PRDM13: variants seen among roughly 807,000 people sequenced by gnomAD.
The protein encoded by PRDM13 is PR/SET domain 13, also known as PR domain zinc finger protein 13.
A neutral mutation model predicts 36.4 loss-of-function variants in PRDM13; 15 were observed. That is an observed-to-expected ratio of 0.41 (90% CI 0.28 to 0.64). PRDM13 has a LOEUF of 0.64. PRDM13 is among the 30% of genes least tolerant of loss of function. PRDM13 has a pLI of 0.29. For synonymous variants in PRDM13, 531 were observed against 467.7 expected, an observed-to-expected ratio of 1.14 and a Z score of -1.75; for missense variants, 1,044 against 1,013.5, an observed-to-expected ratio of 1.03 and a Z score of -0.41.
rs1308386468 is a variant in PRDM13 at position 99,614,083 on chromosome 6, A to G, written c.1448A>G (p.Lys483Arg). The change falls in exon 4 of 4, where the codon AAA (lysine) becomes AGA (arginine). Residue 483 changes from lysine to arginine, a missense_variant. Physicochemically the swap from Lys to Arg is conservative, Grantham distance 26 (BLOSUM62 2). This residue lies in a region of PRDM13 where 921 missense variants were observed against 865.2 expected (regional missense o/e 1.06). Coordinates refer to ENST00000369215, the MANE Select transcript of PRDM13 (RefSeq NM_021620.4). ...GCCACCACCGCTTATTACCCGCTCA[A>G]ATTGCACTTCGGCGGGCTGCTGAAG... Reference protein sequence around the residue: ...SPATTAYYPLKLHFGGLLKYP... With the variant: ...SPATTAYYPLRLHFGGLLKYP... 6.2e-7 allele frequency: 1 copy of G among 1,600,726 alleles called. No individual in the cohort carries two copies. The highest frequency in any genetic ancestry group is 1.1e-5 in the South Asian group (1 of 90,128).
intron 1 of PRDM13, among the ~76,000 whole-genome samples, chr6:99,607,702 T>G (rs1293169092): frequency 6.6e-6 from 1 of 152,260 alleles, no homozygotes; most frequent in Non-Finnish European, 1.5e-5. Flanking sequence ...TTTTTTTCCC[T>G]TGCCGATGTC....
rs1770109753 is a variant in PRDM13, at chr6:99,614,949, G to A, written c.*190G>A. On this transcript the variant is annotated 3_prime_UTR_variant, in exon 4 of 4. Coordinates refer to ENST00000369215, the MANE Select transcript of PRDM13 (RefSeq NM_021620.4). The stretch of plus-strand genomic sequence containing the variant: ...CTGAAACTCAGAGCAACAGTTCAGA[G>A]GTGGCGTAAATCTGGCCACCTGGAG... 1.2e-6 allele frequency: 1 copy of A among 833,918 alleles called. No homozygotes were observed. The highest frequency in any genetic ancestry group is 1.7e-5 in the African/African-American group (1 of 58,206). 51.7% of individuals were successfully genotyped at this position (833,918 alleles called of 1,614,324 possible). A position where few individuals can be genotyped will look rare whatever the true frequency, so the allele number is the denominator to read the frequency against.
Position 99,613,813 on chromosome 6 carries a change from C to G in PRDM13, c.1178C>G (p.Ser393Cys). The G allele has an allele frequency of 6.6e-7, 1 of 1,510,668 alleles. No individual in the cohort carries two copies. Among genetic ancestry groups the G allele is most frequent in the Non-Finnish European group, 8.8e-7 (1 of 1,136,890 alleles). The allele number at this position is 1,510,668 out of a possible 1,614,324, so 93.6% of individuals were successfully genotyped here. Residue 393 changes from serine (S) to cysteine (C), a missense_variant, in exon 4 of 4, where the codon TCC (serine) becomes TGC (cysteine). Transcript: ENST00000369215. The surrounding 1 kb of genome is among the most constrained non-coding windows in gnomAD (Gnocchi z 6.1). Reference protein sequence around the residue: ...SGALRGFPLLSVPPEEASAFK... With the variant: ...SGALRGFPLLCVPPEEASAFK... The stretch of plus-strand genomic sequence containing the variant: ...GCCCTGCGCGGCTTCCCTCTGCTCT[C>G]CGTCCCCCCGGAAGAGGCGTCCGCC...
Position 99,606,906 on chromosome 6 carries a change from C to CGGA in PRDM13, c.-128_-127insGAG. 1 of 1,265,066 alleles carries CGGA rather than the reference C, an allele frequency of 7.9e-7. No homozygotes were observed. The highest frequency in any genetic ancestry group is 1.1e-6 in the Non-Finnish European group (1 of 950,330). The allele number at this position is 1,265,066 out of a possible 1,614,324, so 78.4% of individuals were successfully genotyped here. Reference sequence around the variant, plus strand: ...AAAAGGCGCAGTGCATGCCCGCCCGCGTCACTCCGCGGGCGGAGGACGCAC... The same window carrying CGGA: ...AAAAGGCGCAGTGCATGCCCGCCCGCGGAGTCACTCCGCGGGCGGAGGACGCAC... On this transcript the variant is annotated 5_prime_UTR_variant, in exon 1 of 4. Transcript: ENST00000369215.
In PRDM13 at chr6:99,614,034, G is replaced by C. The variant is rs1187262821; in HGVS notation, c.1399G>C (p.Gly467Arg). Residue 467 changes from glycine to arginine, a missense_variant, in exon 4 of 4, where the codon GGG becomes CGG. By Grantham distance (125) the Gly-to-Arg change is moderately radical (BLOSUM62 -2). This residue lies in a region of PRDM13 where 921 missense variants were observed against 865.2 expected (regional missense o/e 1.06). Transcript: ENST00000369215. ...CATGCCGGCCTTTACAGTCTACAAC[G>C]GGGAGCTGCTCTACGGCTCACCGGC... is the stretch of plus-strand genomic sequence containing the variant. Reference protein sequence around the residue: ...AVMPAFTVYNGELLYGSPATT... With the variant: ...AVMPAFTVYNRELLYGSPATT... The C allele has an allele frequency of 6.2e-7, 1 of 1,610,344 alleles. No homozygotes were observed. Among genetic ancestry groups the C allele is most frequent in the Non-Finnish European group, 8.5e-7 (1 of 1,179,126 alleles).
In PRDM13 at chr6:99,613,321, G is replaced by A; in HGVS notation, c.686G>A (p.Arg229His). The A allele has an allele frequency of 1.3e-6, 2 of 1,559,898 alleles. No homozygotes were observed. Among genetic ancestry groups the A allele is most frequent in the Non-Finnish European group, 1.7e-6 (2 of 1,156,438 alleles). ...TGCGGTGCGCGGGAGGGCATCAAGC[G>A]CGAGGCCTCTTCCGCGCCCTCGGCC... ...QACGAREGIKREASSAPSATS... is the reference protein window; with the variant it reads ...QACGAREGIKHEASSAPSATS... Residue 229 changes from arginine (R) to histidine (H), a missense_variant, in exon 4 of 4, where the codon CGC becomes CAC. Around this residue, in one of 3 missense-constraint regions of PRDM13, gnomAD observed 921 missense variants for 865.2 expected, o/e 1.06. Transcript: ENST00000369215. The surrounding 1 kb of genome is among the most constrained non-coding windows in gnomAD (Gnocchi z 6.1).
intron 3 of PRDM13, among the ~76,000 whole-genome samples, chr6:99,610,346 C>T (rs1305608774): frequency 2.0e-5 from 3 of 152,230 alleles, no homozygotes; most frequent in Non-Finnish European, 2.9e-5. Flanking sequence ...ACTTCCTTTT[C>T]ACACACAAAG....
rs112674667 is a variant in PRDM13 at position 99,613,748 on chromosome 6, CCCGCCGCCGCCG to C, written c.1122_1133del (p.Pro375_Pro378del). 5 of 1,475,892 alleles carry C rather than the reference CCCGCCGCCGCCG, an allele frequency of 3.4e-6. No individual in the cohort carries two copies. The South Asian group carries it at 6.4e-5, about 19-fold the overall frequency. The allele number at this position is 1,475,892 out of a possible 1,614,324, so 91.4% of individuals were successfully genotyped here. A position where few individuals can be genotyped will look rare whatever the true frequency, so the allele number is the denominator to read the frequency against. On this transcript the variant is annotated inframe_deletion, in exon 4 of 4. Transcript: ENST00000369215. This position sits in a 1 kb window ranked among gnomAD's most constrained non-coding sequence, Gnocchi z 6.1. ...ATCCCAAGTGCCTGCTCGCTGGGGA[CCCGCCGCCGCCG>C]CCGCCGCCTGGCCTGCCCTGCTCTG...
intron 1 of PRDM13, among the ~76,000 whole-genome samples, chr6:99,607,757 T>C (rs535546050): frequency 6.6e-6 from 1 of 152,336 alleles, no homozygotes; most frequent in East Asian, 1.9e-4. Context: ...AGCAAGGTAC[T>C]GGCTCTGACG....
Position 99,613,391 on chromosome 6 carries a change from G to C in PRDM13, c.756G>C (p.Lys252Asn). The C allele has an allele frequency of 6.4e-7, 1 of 1,555,208 alleles. No homozygotes were observed. The highest frequency in any genetic ancestry group is 8.6e-7 in the Non-Finnish European group (1 of 1,157,660). ...PGKWGQPKKG[K>N]EQLDRALDMS... ...AGTGGGGGCAGCCCAAGAAGGGCAA[G>C]GAGCAGCTGGACCGTGCCCTGGACA... Residue 252 changes from lysine to asparagine, a missense_variant, in exon 4 of 4, where the codon AAG becomes AAC. Coordinates refer to ENST00000369215, the MANE Select transcript of PRDM13 (RefSeq NM_021620.4). The surrounding 1 kb of genome is among the most constrained non-coding windows in gnomAD (Gnocchi z 6.1).
At position 99,613,740 on chromosome 6, in the gene PRDM13, G is replaced by A. The variant is rs560495179; in HGVS notation, c.1105G>A (p.Ala369Thr). The change falls in exon 4 of 4, where the codon GCT becomes ACT. Residue 369 changes from alanine (A) to threonine (T), a missense_variant. Around this residue, in one of 3 missense-constraint regions of PRDM13, gnomAD observed 921 missense variants for 865.2 expected, o/e 1.06. Transcript: ENST00000369215. The surrounding 1 kb of genome is among the most constrained non-coding windows in gnomAD (Gnocchi z 6.1). ...HHHHHPKCLLAGDPPPPPPPG... is the reference protein window; with the variant it reads ...HHHHHPKCLLTGDPPPPPPPG... ...CCACCACCATCCCAAGTGCCTGCTC[G>A]CTGGGGACCCGCCGCCGCCGCCGCC... 355 of 1,485,820 alleles carry A rather than the reference G, an allele frequency of 2.4e-4. 3 individuals carry two copies. The South Asian group carries it at 4.0e-3, about 17-fold the overall frequency. The allele number at this position is 1,485,820 out of a possible 1,614,324, so 92.0% of individuals were successfully genotyped here. A position where few individuals can be genotyped will look rare whatever the true frequency, so the allele number is the denominator to read the frequency against.
At chr6:99,611,101 T>C (rs1770024720) in intron 3 of PRDM13, among the ~76,000 whole-genome samples, 1 of 152,122 alleles carries the variant, frequency 6.6e-6, no homozygotes, top group African/African-American at 2.4e-5. Context: ...CTGGAGAATA[T>C]GTCAGTTAGG....
Position 99,613,187 on chromosome 6 carries a change from G to T in PRDM13, c.552G>T (p.Ala184=). The part of the protein sequence containing the change: ...EHAARQGAVP[A]ADGLGLSPKP... ...CGGCTCGCCAAGGCGCCGTCCCAGC[G>T]GCTGATGGCCTCGGTCTCTCCCCAA... is the stretch of plus-strand genomic sequence containing the variant. The change falls in exon 4 of 4, where the codon GCG becomes GCT. Residue 184 remains alanine (A), a synonymous_variant. Coordinates refer to ENST00000369215, the MANE Select transcript of PRDM13 (RefSeq NM_021620.4). This position sits in a 1 kb window ranked among gnomAD's most constrained non-coding sequence, Gnocchi z 6.1. 1 of 1,612,572 alleles carries T rather than the reference G, an allele frequency of 6.2e-7. No homozygotes were observed. The highest frequency in any genetic ancestry group is 1.1e-5 in the South Asian group (1 of 91,040).
rs1170334207 is a variant in PRDM13, at chr6:99,613,540, GGGC to G, written c.915_917del (p.Ala307del). ...GCTTTCAAGCCCGCCGGCCTAGCGA[GGGC>G]GGCGGCGGCCGCTCACGGCGACCCC... On this transcript the variant is annotated inframe_deletion, in exon 4 of 4. Coordinates refer to ENST00000369215, the MANE Select transcript of PRDM13 (RefSeq NM_021620.4). This position sits in a 1 kb window ranked among gnomAD's most constrained non-coding sequence, Gnocchi z 6.1. The G allele has an allele frequency of 4.0e-6, 6 of 1,496,062 alleles. No homozygotes were observed. The highest frequency in any genetic ancestry group is 2.6e-5 in the East Asian group (1 of 38,002). The allele number at this position is 1,496,062 out of a possible 1,614,324, so 92.7% of individuals were successfully genotyped here.
At position 99,613,245 on chromosome 6, in the gene PRDM13, C is replaced by T; in HGVS notation, c.610C>T (p.Gln204Ter). The change falls in exon 4 of 4, where the codon CAG becomes TAG. Residue 204 changes from glutamine (Q) to a stop codon, truncating the protein, a stop_gained. Transcript: ENST00000369215. LOFTEE classifies it low-confidence loss of function (END_TRUNC). This position sits in a 1 kb window ranked among gnomAD's most constrained non-coding sequence, Gnocchi z 6.1. ...GGCGCCCGATTTCGCCGCGCCTTCC[C>T]AGGCAGGAACTTTGCGACCCCACCC... ...PPAPDFAAPS[Q>*]AGTLRPHPLG... 1 of 1,610,152 alleles carries T rather than the reference C, an allele frequency of 6.2e-7. No homozygotes were observed.
chr6:99,613,320 C>G lies in PRDM13; in HGVS notation c.685C>G (p.Arg229Gly). ...CTGCGGTGCGCGGGAGGGCATCAAGCGCGAGGCCTCTTCCGCGCCCTCGGC... is the reference window on the plus strand; with the variant it reads ...CTGCGGTGCGCGGGAGGGCATCAAGGGCGAGGCCTCTTCCGCGCCCTCGGC... ...QACGAREGIK[R>G]EASSAPSATS... Residue 229 changes from arginine (R) to glycine (G), a missense_variant, in exon 4 of 4, where the codon CGC becomes GGC. Physicochemically the swap from Arg to Gly is moderately radical, Grantham distance 125. Transcript: ENST00000369215. The surrounding 1 kb of genome is among the most constrained non-coding windows in gnomAD (Gnocchi z 6.1). The G allele has an allele frequency of 1.9e-6, 3 of 1,559,608 alleles. No homozygotes were observed. Among genetic ancestry groups the G allele is most frequent in the Non-Finnish European group, 2.6e-6 (3 of 1,156,280 alleles).
Position 99,607,068 on chromosome 6 carries a change from G to C in PRDM13, c.34G>C (p.Val12Leu). The change falls in exon 1 of 4, where the codon GTG becomes CTG. Residue 12 changes from valine (V) to leucine (L), a missense_variant. Coordinates refer to ENST00000369215, the MANE Select transcript of PRDM13 (RefSeq NM_021620.4). ...HGAARAPATS[V>L]SADCCIPAGL... ...AGCCGCCAGAGCGCCAGCCACCAGC[G>C]TGAGTGCCGACTGCTGCATCCCGGC... 2.5e-6 allele frequency: 4 copies of C among 1,612,894 alleles called. No individual in the cohort carries two copies. Among genetic ancestry groups the C allele is most frequent in the Non-Finnish European group, 3.4e-6 (4 of 1,179,674 alleles).
At chr6:99,610,350 C>T (rs984125580) in intron 3 of PRDM13, among the ~76,000 whole-genome samples, 2 of 152,232 alleles carry the variant, frequency 1.3e-5, no homozygotes. Flanking sequence ...CCTTTTCACA[C>T]ACAAAGCTTC....
intron 3 of PRDM13, 94 bp from the exon 4 acceptor site, chr6:99,612,939 G>A (rs528919537): frequency 6.5e-7 from 1 of 1,546,048 alleles, no homozygotes. Context: ...ACCGCTAGTC[G>A]AAACTTGGGC....
Sources: allele counts gnomAD v4.1 joint callset (sites outside exome capture counted in the v4.1 genomes callset), GRCh38; gene constraint gnomAD v4.1.1; regional missense constraint gnomAD v4.1.1; non-coding constraint Gnocchi (gnomAD v3.1); transcripts MANE v1.5; gene names NCBI Gene and HGNC (gene_info 2026-07-23, HGNC 2026-07-21).